Variants in TRPC4AP observed in about 807,000 individuals in gnomAD.
TRPC4AP encodes the protein transient receptor potential cation channel subfamily C member 4 associated protein.
In TRPC4AP, 45 loss-of-function variants were observed where a neutral mutation model predicts 99.0. The observed-to-expected ratio is 0.45, with a 90% confidence interval of 0.36 to 0.58. The LOEUF is 0.58. TRPC4AP is among the 20% of genes least tolerant of loss of function. TRPC4AP has a pLI of 0.00. For synonymous variants in TRPC4AP, 408 were observed against 385.8 expected (o/e 1.06, Z -0.67); for missense variants, 879 against 985.3 (o/e 0.89, Z 1.44).
At chr20:35,077,962 C>T in intron 2 of TRPC4AP, 84 bp downstream of exon 2, 1 of 1,451,732 alleles carries the variant, frequency 6.9e-7, no homozygotes, top group South Asian at 1.4e-5. Flanking sequence ...TTTTAAAAGC[C>T]AACGGAAGGG....
chr20:35,029,460 A>G (rs966552604), intron 8 of TRPC4AP, among the ~76,000 whole-genome samples: 1 of 151,966 alleles, frequency 6.6e-6, no homozygotes, highest in African/African-American at 2.4e-5. Context: ...TAATGTTACT[A>G]TTGATAAGGC....
chr20:35,063,312 A>ATT (rs1345620190), intron 3 of TRPC4AP, among the ~76,000 whole-genome samples: 1 of 152,182 alleles, frequency 6.6e-6, no homozygotes, highest in East Asian at 1.9e-4. Flanking sequence ...AGTCTCAGGT[A>ATT]TTTCTTCATT....
chr20:35,059,925 A>T (rs935636660), intron 3 of TRPC4AP, among the ~76,000 whole-genome samples: 5 of 147,178 alleles, frequency 3.4e-5, no homozygotes, highest in Admixed American at 6.7e-5. Context: ...GAAGACAAAG[A>T]CGAAGAAGAC....
intron 6 of TRPC4AP, 94 bp downstream of exon 6, chr20:35,049,772 T>G (rs1255446008): frequency 7.2e-7 from 1 of 1,394,850 alleles, no homozygotes; most frequent in African/African-American, 1.5e-5. Context: ...ATTTAACACT[T>G]TCTTTTAAAA....
At chr20:35,024,130 C>CTTT (rs11473089) in intron 8 of TRPC4AP, among the ~76,000 whole-genome samples, 13,931 of 146,322 alleles carry the variant, frequency 0.095, 787 homozygotes, top group Admixed American at 0.13. Flanking sequence ...TGCACACTCA[C>CTTT]TTTTTTTTTT....
At chr20:35,063,491 T>C (rs539605010) in intron 3 of TRPC4AP, among the ~76,000 whole-genome samples, 3 of 152,290 alleles carry the variant, frequency 2.0e-5, no homozygotes, top group South Asian at 4.1e-4. Flanking sequence ...GTGATAAAAA[T>C]GTTCTGGTTA....
At chr20:35,071,233 T>TTCA (rs1166664140) in intron 2 of TRPC4AP, among the ~76,000 whole-genome samples, 1 of 152,202 alleles carries the variant, frequency 6.6e-6, no homozygotes, top group Non-Finnish European at 1.5e-5. Context: ...GTCATTCAGT[T>TTCA]TCATTACGTT....
chr20:35,056,985 C>A (rs866362117), intron 4 of TRPC4AP, among the ~76,000 whole-genome samples: 148 of 90,256 alleles, frequency 1.6e-3, no homozygotes, highest in East Asian at 3.9e-3. Flanking sequence ...GAGACTGTCT[C>A]AAAAAAAAAA....
At chr20:35,054,111 C>T (rs1319489937) in intron 5 of TRPC4AP, among the ~76,000 whole-genome samples, 2 of 151,794 alleles carry the variant, frequency 1.3e-5, no homozygotes, top group East Asian at 3.9e-4. Flanking sequence ...AGTTCGTGAT[C>T]TTGGTAGATT....
intron 8 of TRPC4AP, among the ~76,000 whole-genome samples, chr20:35,028,574 T>C (rs1411563204): frequency 6.6e-6 from 1 of 152,244 alleles, no homozygotes; most frequent in African/African-American, 2.4e-5. Context: ...TGCTGAACTT[T>C]TTTTTAACAG....
At position 35,013,064 on chromosome 20, in the gene TRPC4AP, G is replaced by T; in HGVS notation, c.1353C>A (p.Asp451Glu). ...GHNQNCDCSP[D>E]ITLKIQFLRL... ...TCAAAAACTGTATCTTCAAGGTGAT[G>T]TCCTGAAACACATGCACAGCCTCAA... The change falls in exon 11 of 19, where the codon GAC becomes GAA. Residue 451 changes from aspartate to glutamate, a missense_variant and splice_region_variant. Coordinates refer to ENST00000252015, the MANE Select transcript of TRPC4AP (RefSeq NM_015638.3). The T allele has an allele frequency of 6.2e-7, 1 of 1,614,098 alleles. No homozygotes were observed. The highest frequency in any genetic ancestry group is 8.5e-7 in the Non-Finnish European group (1 of 1,180,012).
intron 5 of TRPC4AP, among the ~76,000 whole-genome samples, chr20:35,053,193 G>A (rs2083745551): frequency 1.3e-5 from 2 of 152,232 alleles, no homozygotes; most frequent in African/African-American, 4.8e-5. Context: ...TTTATGCTAA[G>A]AACCATTCAA....
intron 1 of TRPC4AP, among the ~76,000 whole-genome samples, chr20:35,087,005 C>T (rs531331112): frequency 6.6e-6 from 1 of 151,296 alleles, no homozygotes; most frequent in Admixed American, 6.6e-5. Flanking sequence ...GCACTCCAGC[C>T]TGGGCAACAG....
intron 1 of TRPC4AP, among the ~76,000 whole-genome samples, chr20:35,084,783 GTATA>G (rs2084790359): frequency 6.7e-6 from 1 of 149,132 alleles, no homozygotes; most frequent in Admixed American, 6.7e-5. Context: ...TATATACAGG[GTATA>G]TGTATATTTA....
chr20:35,059,743 G>A (rs928032616), intron 3 of TRPC4AP, among the ~76,000 whole-genome samples: 4 of 149,916 alleles, frequency 2.7e-5, no homozygotes, highest in African/African-American at 9.9e-5. Context: ...AGACTACGAC[G>A]AAGAAGAAGA....
chr20:35,015,481 GAGACAC>G, intron 10 of TRPC4AP, among the ~76,000 whole-genome samples: 1 of 38,896 alleles, frequency 2.6e-5, no homozygotes, highest in South Asian at 7.2e-4. Context: ...TTTTTTTTTT[GAGACAC>G]AGTCTCACTT....
chr20:35,079,481 T>C (rs929924353), intron 1 of TRPC4AP, among the ~76,000 whole-genome samples: 4 of 151,856 alleles, frequency 2.6e-5, no homozygotes, highest in African/African-American at 9.7e-5. Flanking sequence ...CTTAGTAAAC[T>C]ACAGAAAGAG....
chr20:35,057,431 G>C (rs2083863119), intron 4 of TRPC4AP, 83 bp downstream of exon 4: 1 of 1,122,526 alleles, frequency 8.9e-7, no homozygotes, highest in Non-Finnish European at 1.3e-6. Context: ...AGTTAGGAAG[G>C]GAAGGAAGAA....
intron 3 of TRPC4AP, among the ~76,000 whole-genome samples, chr20:35,060,540 T>C (rs181932703): frequency 2.8e-4 from 36 of 127,162 alleles, no homozygotes; most frequent in African/African-American, 1.1e-3. Context: ...TGAGCTGTGA[T>C]CACACCACTG....
Sources: gnomAD v4.1 joint callset for allele counts (sites outside exome capture counted in the v4.1 genomes callset) on GRCh38, gnomAD v4.1.1 for gene constraint, MANE v1.5 for transcripts, NCBI Gene and HGNC (gene_info 2026-07-23, HGNC 2026-07-21) for gene names.